TUSC3: variants seen among roughly 807,000 people sequenced by gnomAD.
The protein encoded by TUSC3 is dolichyl-diphosphooligosaccharide--protein glycosyltransferase subunit TUSC3.
A neutral mutation model predicts 44.8 loss-of-function variants in TUSC3; 45 were observed. The ratio of observed to expected loss-of-function variants is 1.00; its 90% confidence interval spans 0.79 to 1.29. TUSC3 has a LOEUF of 1.29. TUSC3 is among the 50% of genes most tolerant of loss of function. TUSC3 has a pLI of 0.00. For missense variants in TUSC3, 519 were observed against 437.9 expected, an observed-to-expected ratio of 1.19 and a Z score of -1.65; for synonymous variants, 212 against 152.9, an observed-to-expected ratio of 1.39 and a Z score of -2.85.
chr8:15,794,604 A>T, the TUSC3 span, among the ~76,000 whole-genome samples: 2 of 152,182 alleles, frequency 1.3e-5, no homozygotes, highest in Non-Finnish European at 2.9e-5. Context: ...GCATAGCCAG[A>T]ATAACAGGAT....
At chr8:15,813,511 C>G in the TUSC3 span, among the ~76,000 whole-genome samples, 1 of 151,142 alleles carries the variant, frequency 6.6e-6, no homozygotes, top group Admixed American at 6.6e-5. Flanking sequence ...ACGAGGTAAT[C>G]ATAACCACCT....
chr8:15,518,738 T>G (rs1252303599), intron 2 of TUSC3, among the ~76,000 whole-genome samples: 4 of 152,158 alleles, frequency 2.6e-5, no homozygotes, highest in African/African-American at 9.7e-5. Context: ...TATGTAGGGG[T>G]ACATTTAGTA....
chr8:15,594,619 C>T (rs1489850040), intron 1 of TUSC3, among the ~76,000 whole-genome samples: 4 of 151,964 alleles, frequency 2.6e-5, no homozygotes, highest in Non-Finnish European at 5.9e-5. Context: ...GATAATTATT[C>T]CCTACTATTG....
intron 1 of TUSC3, among the ~76,000 whole-genome samples, chr8:15,463,595 T>C (rs779771269): frequency 6.6e-6 from 1 of 152,204 alleles, no homozygotes; most frequent in South Asian, 2.1e-4. Context: ...TCATATTGTT[T>C]AATGGGCTGT....
intron 2 of TUSC3, among the ~76,000 whole-genome samples, chr8:15,483,724 C>T (rs898129125): frequency 4.4e-5 from 6 of 137,632 alleles, no homozygotes; most frequent in Non-Finnish European, 9.2e-5. Flanking sequence ...GGTGCCATCT[C>T]GGCTCACTGC....
chr8:15,445,207 C>T (rs1409744542), intron 1 of TUSC3, among the ~76,000 whole-genome samples: 3 of 152,152 alleles, frequency 2.0e-5, no homozygotes, highest in Non-Finnish European at 4.4e-5. Flanking sequence ...CTAAGAATGA[C>T]AGCCAAGTTT....
chr8:15,721,437 CT>C (rs1189287950), intron 6 of TUSC3, among the ~76,000 whole-genome samples: 3 of 151,808 alleles, frequency 2.0e-5, no homozygotes, highest in Non-Finnish European at 4.4e-5. Context: ...GATCAAGTTG[CT>C]TTTTTTCCCC....
the TUSC3 span, chr8:15,806,986 C>T: frequency 4.1e-6 from 6 of 1,461,804 alleles, no homozygotes; most frequent in East Asian, 1.4e-4. Context: ...TGTTCTGATT[C>T]CATTCTTTAC....
At chr8:15,830,913 A>G in the TUSC3 span, among the ~76,000 whole-genome samples, 1 of 152,212 alleles carries the variant, frequency 6.6e-6, no homozygotes, top group African/African-American at 2.4e-5. Context: ...TAAAAATTAA[A>G]ACAATTAAAA....
chr8:15,438,400 G>A (rs960546081), intron 1 of TUSC3, among the ~76,000 whole-genome samples: 1 of 152,298 alleles, frequency 6.6e-6, no homozygotes, highest in South Asian at 2.1e-4. Context: ...CCAGCCAGGG[G>A]TTGTTGTGTT....
chr8:15,763,103 TATATA>T (rs1320172076), intron 10 of TUSC3, among the ~76,000 whole-genome samples: 2 of 151,934 alleles, frequency 1.3e-5, no homozygotes, highest in Admixed American at 1.3e-4. Flanking sequence ...TAATTGATGT[TATATA>T]ATATACACTG....
At chr8:15,686,388 A>G (rs114011618) in intron 6 of TUSC3, among the ~76,000 whole-genome samples, 290 of 152,184 alleles carry the variant, frequency 1.9e-3, no homozygotes, top group African/African-American at 6.7e-3. Flanking sequence ...ACTGCATTAC[A>G]ATTCAGTTGT....
intron 1 of TUSC3, among the ~76,000 whole-genome samples, chr8:15,583,906 C>A (rs893430333): frequency 6.6e-6 from 1 of 152,110 alleles, no homozygotes; most frequent in African/African-American, 2.4e-5. Context: ...AAGGAAAAAT[C>A]AGGAAAGGAA....
At chr8:15,621,546 TC>T (rs1805245217) in intron 1 of TUSC3, among the ~76,000 whole-genome samples, 1 of 147,772 alleles carries the variant, frequency 6.8e-6, no homozygotes, top group African/African-American at 2.5e-5. Flanking sequence ...AAAGTATATT[TC>T]CAAAGTTATA....
chr8:15,697,100 G>T (rs1212086128), intron 6 of TUSC3, among the ~76,000 whole-genome samples: 1 of 152,072 alleles, frequency 6.6e-6, no homozygotes, highest in Non-Finnish European at 1.5e-5. Context: ...ATGATCTTTT[G>T]TATTTCAGTG....
chr8:15,742,140 G>A (rs1323853579), intron 7 of TUSC3, among the ~76,000 whole-genome samples: 1 of 150,530 alleles, frequency 6.6e-6, no homozygotes, highest in Non-Finnish European at 1.5e-5. Context: ...ATGATTGAAA[G>A]GCAGGAATTT....
chr8:15,618,413 T>G (rs1024691278), intron 1 of TUSC3, among the ~76,000 whole-genome samples: 1 of 152,234 alleles, frequency 6.6e-6, no homozygotes, highest in Non-Finnish European at 1.5e-5. Context: ...TTTTTTCTGA[T>G]TTTTTAAGAA....
At chr8:15,720,726 T>C (rs1275759554) in intron 6 of TUSC3, among the ~76,000 whole-genome samples, 1 of 152,084 alleles carries the variant, frequency 6.6e-6, no homozygotes, top group Non-Finnish European at 1.5e-5. Context: ...TAAGAGAAGT[T>C]TCAAGAATGT....
intron 1 of TUSC3, among the ~76,000 whole-genome samples, chr8:15,481,738 TA>T (rs564474296): frequency 4.6e-5 from 7 of 151,276 alleles, no homozygotes; most frequent in South Asian, 4.2e-4. Flanking sequence ...ACTTTATTAC[TA>T]AAAAAAAATG....
Sources: allele counts gnomAD v4.1 joint callset (sites outside exome capture counted in the v4.1 genomes callset), GRCh38; gene constraint gnomAD v4.1.1; transcripts MANE v1.5; gene names NCBI Gene and HGNC (gene_info 2026-07-23, HGNC 2026-07-21).